The following SAR1A variants were observed in gnomAD, a reference collection of about 807,000 sequenced individuals.
SAR1A encodes the protein small COPII coat GTPase SAR1A.
In SAR1A, 6 loss-of-function variants were observed where a neutral mutation model predicts 22.6. That is an observed-to-expected ratio of 0.27 (90% CI 0.15 to 0.52). SAR1A has a LOEUF of 0.52. SAR1A is among the 20% of genes least tolerant of loss of function. The probability of loss-of-function intolerance (pLI) is 0.96; values close to 1 mark genes in which losing one functional copy is unlikely to be tolerated. For synonymous variants in SAR1A, 70 were observed against 82.2 expected (o/e 0.85, Z 0.80); for missense variants, 145 against 245.1 (o/e 0.59, Z 2.73).
At chr10:70,157,132 C>T (rs937712957) in intron 5 of SAR1A, among the ~76,000 whole-genome samples, 3 of 151,992 alleles carry the variant, frequency 2.0e-5, no homozygotes, top group Non-Finnish European at 2.9e-5. Flanking sequence ...GGGCCAGGCG[C>T]GGTGGCTCAT....
intron 1 of SAR1A, among the ~76,000 whole-genome samples, chr10:70,169,801 G>A (rs1839602146): frequency 6.6e-6 from 1 of 152,200 alleles, no homozygotes; most frequent in Non-Finnish European, 1.5e-5. Flanking sequence ...GGCTAGAATC[G>A]TGAAGAAAAC....
chr10:70,166,040 T>G lies in SAR1A; in HGVS notation c.-16-4109A>C, dbSNP rs1033245426. Among the ~76,000 whole-genome samples, 4 of 152,360 alleles carry G rather than the reference T, an allele frequency of 2.6e-5. No individual in the cohort carries two copies. In the South Asian group the frequency reaches 6.2e-4, roughly 24 times the overall value. ...ATGACTCGCAGAAGGCTCCGATGCT[T>G]GTTAGCATTTTTTAGCCATAAAGTA... On this transcript the variant is annotated intron_variant, in intron 1 of 6. Transcript: ENST00000373241.
intron 1 of SAR1A, chr10:70,166,826 C>CACA (rs1839558763): frequency 9.9e-6 from 1 of 101,434 alleles, no homozygotes; most frequent in East Asian, 3.8e-4. Context: ...TGCATCTCTA[C>CACA]AAAAAAAAAA....
Position 70,169,543 on chromosome 10 carries a change from T to C in SAR1A, c.-17+870A>G, listed in dbSNP as rs1225385337. 6.6e-5 allele frequency among the ~76,000 whole-genome samples: 10 copies of C among 152,280 alleles called. No individual in the cohort carries two copies. The East Asian group carries it at 1.4e-3, about 21-fold the overall frequency. On this transcript the variant is annotated intron_variant, in intron 1 of 6. Transcript: ENST00000373241. ...GCTAAATGATTCAAACAAATGTTAA[T>C]AGAAAAGGAGGGCACCAATCTGACC... is the stretch of plus-strand genomic sequence containing the variant.
rs1839275139 is a variant in SAR1A at position 70,147,833 on chromosome 10, A to T, written c.*4643T>A. 1 of 152,242 alleles carries T rather than the reference A, an allele frequency of 6.6e-6. No individual in the cohort carries two copies. Among genetic ancestry groups the T allele is most frequent in the African/African-American group, 2.4e-5 (1 of 41,462 alleles). The allele number at this position is 152,242 out of a possible 1,614,324, so 9.4% of individuals were successfully genotyped here. ...TCACCACAAGCTAGACAGTTTACAAAGGTCTGCTTTATCACTGAATTGATA... is the reference window on the plus strand; with the variant it reads ...TCACCACAAGCTAGACAGTTTACAATGGTCTGCTTTATCACTGAATTGATA... On this transcript the variant is annotated 3_prime_UTR_variant, in exon 7 of 7. Transcript: ENST00000373241.
chr10:70,156,311 G>A (rs887902869), intron 5 of SAR1A, among the ~76,000 whole-genome samples: 1 of 152,146 alleles, frequency 6.6e-6, no homozygotes, highest in African/African-American at 2.4e-5. Context: ...TTCTCAAAGA[G>A]ACAGAAGTAT....
intron 1 of SAR1A, chr10:70,163,940 T>C (rs1266549361): frequency 1.9e-6 from 3 of 1,552,194 alleles, no homozygotes; most frequent in Non-Finnish European, 2.7e-6. Context: ...AAGAAGAAAT[T>C]AGAGAAACAT....
At position 70,153,988 on chromosome 10, in the gene SAR1A, G is replaced by GA; in HGVS notation, c.349-20dup. ...TTAAAGCCTAAAGATTGAAAAAAAAGAAAAAAAGAAAAAAAAGAATTAAGT... is the reference window on the plus strand; with the variant it reads ...TTAAAGCCTAAAGATTGAAAAAAAAGAAAAAAAAGAAAAAAAAGAATTAAGT... On this transcript the variant is annotated intron_variant, in intron 5 of 6. Transcript: ENST00000373241. The GA allele has an allele frequency of 1.3e-6, 2 of 1,513,954 alleles. No individual in the cohort carries two copies. The highest frequency in any genetic ancestry group is 1.3e-5 in the South Asian group (1 of 75,238). 93.8% of individuals were successfully genotyped at this position (1,513,954 alleles called of 1,614,324 possible).
chr10:70,161,105 C>A, intron 3 of SAR1A, 36 bp from the exon 4 acceptor site: 1 of 1,463,842 alleles, frequency 6.8e-7, no homozygotes, highest in South Asian at 1.2e-5. Flanking sequence ...AAAAACTTGT[C>A]AACTCAACAA....
intron 4 of SAR1A, among the ~76,000 whole-genome samples, chr10:70,158,137 C>G (rs150942755): frequency 6.6e-5 from 10 of 152,192 alleles, no homozygotes; most frequent in Non-Finnish European, 1.2e-4. Flanking sequence ...TACTTATCCA[C>G]GTGACAATTA....
chr10:70,148,540 G>C lies in SAR1A; in HGVS notation c.*3936C>G, dbSNP rs1005945743. The C allele has an allele frequency of 6.6e-6, 1 of 152,214 alleles. No homozygotes were observed. The allele number at this position is 152,214 out of a possible 1,614,324, so 9.4% of individuals were successfully genotyped here. A position where few individuals can be genotyped will look rare whatever the true frequency, so the allele number is the denominator to read the frequency against. ...ACAGGGGCTCACACTTGGAATCCCAGCACGTTGGGAGGCTGAGGTAGGAGA... is the reference window on the plus strand; with the variant it reads ...ACAGGGGCTCACACTTGGAATCCCACCACGTTGGGAGGCTGAGGTAGGAGA... On this transcript the variant is annotated 3_prime_UTR_variant, in exon 7 of 7. Coordinates refer to ENST00000373241, the MANE Select transcript of SAR1A (RefSeq NM_020150.5).
At chr10:70,170,056 G>T (rs1012188419) in intron 1 of SAR1A, among the ~76,000 whole-genome samples, 2 of 151,964 alleles carry the variant, frequency 1.3e-5, no homozygotes, top group Non-Finnish European at 2.9e-5. Flanking sequence ...AATCATAAAG[G>T]GCTCCCACCC....
At chr10:70,164,000 T>A in intron 1 of SAR1A, 6 of 1,023,348 alleles carry the variant, frequency 5.9e-6, no homozygotes, top group Non-Finnish European at 7.8e-6. Context: ...GTGTAGAACT[T>A]CACCATGTGA....
At chr10:70,159,624 A>G (rs1158417377) in intron 4 of SAR1A, among the ~76,000 whole-genome samples, 1 of 152,194 alleles carries the variant, frequency 6.6e-6, no homozygotes, top group Non-Finnish European at 1.5e-5. Flanking sequence ...GCAACAGAGC[A>G]AGACCCCATC....
chr10:70,153,664 A>C (rs1302072847), intron 6 of SAR1A, among the ~76,000 whole-genome samples, 174 bp downstream of exon 6: 5 of 152,252 alleles, frequency 3.3e-5, no homozygotes, highest in Non-Finnish European at 7.3e-5. Flanking sequence ...AATCCCATTT[A>C]AAACGTTAAA....
intron 5 of SAR1A, among the ~76,000 whole-genome samples, chr10:70,157,212 G>A (rs1160891995): frequency 6.6e-6 from 1 of 152,116 alleles, no homozygotes; most frequent in African/African-American, 2.4e-5. Flanking sequence ...AGACCAACCT[G>A]ACTAACATGG....
intron 1 of SAR1A, chr10:70,163,977 G>C: frequency 8.1e-7 from 1 of 1,234,046 alleles, no homozygotes; most frequent in Non-Finnish European, 1.2e-6. Context: ...GGATGGCAAT[G>C]GCTATATTAG....
Position 70,148,933 on chromosome 10 carries a change from A to G in SAR1A, c.*3543T>C, listed in dbSNP as rs1839295775. 1 of 152,320 alleles carries G rather than the reference A, an allele frequency of 6.6e-6. No homozygotes were observed. Among genetic ancestry groups the G allele is most frequent in the African/African-American group, 2.4e-5 (1 of 41,452 alleles). 9.4% of individuals were successfully genotyped at this position (152,320 alleles called of 1,614,324 possible). On this transcript the variant is annotated 3_prime_UTR_variant, in exon 7 of 7. Transcript: ENST00000373241. ...CCATGGTAAAAAGAAGTCCCAAGTC[A>G]CAGCCAGAACGCCAAAGTAAGATCT... is the stretch of plus-strand genomic sequence containing the variant.
chr10:70,160,618 A>G (rs1330136237), intron 4 of SAR1A, among the ~76,000 whole-genome samples: 2 of 152,248 alleles, frequency 1.3e-5, no homozygotes, highest in Admixed American at 6.5e-5. Flanking sequence ...GGTAAATTAC[A>G]TTAATAAGTA....
Sources: gnomAD v4.1 joint callset for allele counts (sites outside exome capture counted in the v4.1 genomes callset) on GRCh38, gnomAD v4.1.1 for gene constraint, MANE v1.5 for transcripts, NCBI Gene and HGNC (gene_info 2026-07-23, HGNC 2026-07-21) for gene names.